The following ZBTB20 variants were observed in gnomAD, a reference collection of about 807,000 sequenced individuals.
ZBTB20 encodes zinc finger and BTB domain-containing protein 20.
A neutral mutation model predicts 56.9 loss-of-function variants in ZBTB20; 9 were observed. That is an observed-to-expected ratio of 0.16 (90% CI 0.10 to 0.28). The LOEUF is 0.28. Ranked by LOEUF, ZBTB20 falls within the 10% of genes least tolerant of loss-of-function variation. The pLI, the probability that ZBTB20 is intolerant of heterozygous loss-of-function variation, is 1.00. For synonymous variants in ZBTB20, 417 were observed against 420.7 expected (o/e 0.99, Z 0.11); for missense variants, 655 against 1,003.0 (o/e 0.65, Z 4.69).
At chr3:115,040,839 G>A (rs780761271) in intron 2 of ZBTB20, among the ~76,000 whole-genome samples, 13 of 152,054 alleles carry the variant, frequency 8.5e-5, no homozygotes, top group African/African-American at 1.4e-4. Context: ...GAATCCTCGA[G>A]TTACTGGCAC....
At chr3:114,789,964 T>C (rs777588365) in intron 5 of ZBTB20, among the ~76,000 whole-genome samples, 8 of 152,086 alleles carry the variant, frequency 5.3e-5, no homozygotes, top group Non-Finnish European at 1.0e-4. Flanking sequence ...AGTAAACATT[T>C]ATCTTATACA....
At chr3:114,516,281 T>C (rs1020973519) in intron 6 of ZBTB20, among the ~76,000 whole-genome samples, 4 of 152,162 alleles carry the variant, frequency 2.6e-5, no homozygotes, top group African/African-American at 9.7e-5. Flanking sequence ...ACATAACCCA[T>C]TGTCTGGTGA....
chr3:114,911,967 T>C (rs957775561), intron 3 of ZBTB20, among the ~76,000 whole-genome samples: 26 of 151,636 alleles, frequency 1.7e-4, no homozygotes, highest in African/African-American at 5.3e-4. Flanking sequence ...AGACATATTA[T>C]AACCAAATTG....
At chr3:114,531,479 G>T (rs1577330950) in intron 6 of ZBTB20, among the ~76,000 whole-genome samples, 1 of 152,180 alleles carries the variant, frequency 6.6e-6, no homozygotes. Flanking sequence ...TTTAGAAAAA[G>T]ACTTTCATAC....
chr3:114,699,915 A>G (rs2063293586), intron 5 of ZBTB20, among the ~76,000 whole-genome samples: 1 of 152,056 alleles, frequency 6.6e-6, no homozygotes, highest in Non-Finnish European at 1.5e-5. Flanking sequence ...CTCACAGTTC[A>G]TTTTTTTCAC....
chr3:114,724,933 T>C (rs1001436652), intron 5 of ZBTB20, among the ~76,000 whole-genome samples: 1 of 152,184 alleles, frequency 6.6e-6, no homozygotes, highest in Non-Finnish European at 1.5e-5. Context: ...TTTATTTTAA[T>C]GATCACCTGG....
At chr3:114,484,187 C>T (rs2041857922) in intron 7 of ZBTB20, among the ~76,000 whole-genome samples, 3 of 152,136 alleles carry the variant, frequency 2.0e-5, no homozygotes, top group South Asian at 4.1e-4. Flanking sequence ...TGGAAAATTA[C>T]ATTTTTCTGA....
intron 2 of ZBTB20, among the ~76,000 whole-genome samples, chr3:114,981,134 T>C (rs937324065): frequency 6.6e-6 from 1 of 152,006 alleles, no homozygotes; most frequent in Non-Finnish European, 1.5e-5. Flanking sequence ...TCACGAAATT[T>C]TGTATGAAAT....
chr3:114,788,777 A>G (rs2070736944), intron 5 of ZBTB20, among the ~76,000 whole-genome samples: 1 of 152,170 alleles, frequency 6.6e-6, no homozygotes, highest in Non-Finnish European at 1.5e-5. Context: ...CTGGGTAATT[A>G]TTTAAAAAAG....
chr3:114,477,939 C>G (rs917103802), intron 7 of ZBTB20, among the ~76,000 whole-genome samples: 134 of 28,422 alleles, frequency 4.7e-3, no homozygotes, highest in East Asian at 0.013. Context: ...GTCTCTCTCT[C>G]TCTCTCTCTC....
chr3:114,714,583 T>C (rs2064328096), intron 5 of ZBTB20, among the ~76,000 whole-genome samples: 2 of 152,142 alleles, frequency 1.3e-5, no homozygotes, highest in South Asian at 4.2e-4. Context: ...GCCTGTTCCA[T>C]TGTGTCCCCT....
At chr3:114,674,241 G>C (rs1463198162) in intron 6 of ZBTB20, among the ~76,000 whole-genome samples, 4 of 152,176 alleles carry the variant, frequency 2.6e-5, no homozygotes, top group Non-Finnish European at 5.9e-5. Context: ...GCAAGCTCCA[G>C]ATGCTCAAAA....
intron 1 of ZBTB20, among the ~76,000 whole-genome samples, chr3:115,135,500 T>A (rs779681354): frequency 5.8e-4 from 88 of 152,190 alleles, no homozygotes; most frequent in Non-Finnish European, 1.0e-3. Context: ...TCACTTTAAG[T>A]AAGCTTTAAT....
rs970841722 is a variant in ZBTB20, at chr3:114,350,761, C to T, written c.1317G>A (p.Val439=). The T allele has an allele frequency of 1.2e-6, 2 of 1,613,994 alleles. No individual in the cohort carries two copies. The highest frequency in any genetic ancestry group is 1.3e-5 in the African/African-American group (1 of 74,910). The change falls in exon 11 of 12, where the codon GTG becomes GTA. Residue 439 remains valine, a synonymous_variant. Transcript: ENST00000675478. The part of the protein sequence containing the change: ...GASSPERSNE[V]EMDSTVITVS... ...CAGTGATAACAGTGCTGTCCATCTC[C>T]ACTTCATTGCTTCTCTCCGGAGAGG...
At chr3:114,789,410 C>T (rs1235265563) in intron 5 of ZBTB20, among the ~76,000 whole-genome samples, 1 of 152,056 alleles carries the variant, frequency 6.6e-6, no homozygotes, top group Non-Finnish European at 1.5e-5. Context: ...AAGCGGTTAG[C>T]GTGCAACTAG....
At chr3:114,831,551 T>G (rs2073845345) in intron 4 of ZBTB20, among the ~76,000 whole-genome samples, 1 of 152,052 alleles carries the variant, frequency 6.6e-6, no homozygotes, top group African/African-American at 2.4e-5. Flanking sequence ...AATATTCATA[T>G]AGCGCTTACA....
intron 7 of ZBTB20, among the ~76,000 whole-genome samples, chr3:114,486,210 C>T (rs1004495262): frequency 3.1e-5 from 4 of 130,828 alleles, no homozygotes; most frequent in Non-Finnish European, 6.3e-5. Flanking sequence ...GAATGTTATC[C>T]TACATGTCTA....
intron 5 of ZBTB20, among the ~76,000 whole-genome samples, chr3:114,780,882 A>G (rs1018652865): frequency 6.6e-6 from 1 of 152,198 alleles, no homozygotes; most frequent in Non-Finnish European, 1.5e-5. Context: ...ACCATAAATA[A>G]GCAAACATAT....
At chr3:114,460,085 T>C (rs2092255913) in intron 7 of ZBTB20, among the ~76,000 whole-genome samples, 1 of 152,156 alleles carries the variant, frequency 6.6e-6, no homozygotes, top group African/African-American at 2.4e-5. Flanking sequence ...GAACTAGTGC[T>C]GGAACCCAGT....
Sources: gnomAD v4.1 joint callset for allele counts (sites outside exome capture counted in the v4.1 genomes callset) on GRCh38, gnomAD v4.1.1 for gene constraint, MANE v1.5 for transcripts, NCBI Gene and HGNC (gene_info 2026-07-23, HGNC 2026-07-21) for gene names.